The following BCAP29 variants were observed in gnomAD, a reference collection of about 807,000 sequenced individuals.
The protein encoded by BCAP29 is B-cell receptor-associated protein 29.
Under a neutral mutation model 31.8 loss-of-function variants are expected in BCAP29, and 34 were observed. The ratio of observed to expected loss-of-function variants is 1.07; its 90% CI spans 0.81 to 1.42. The LOEUF (loss-of-function observed/expected upper bound fraction) is 1.42. Among genes scored for constraint, BCAP29 ranks in the 40% most tolerant of loss-of-function variants. The probability of loss-of-function intolerance (pLI) is 0.00; values close to 1 mark genes in which losing one functional copy is unlikely to be tolerated. For synonymous variants in BCAP29, 104 were observed against 91.3 expected (o/e 1.14, Z -0.79); for missense variants, 314 against 269.2 (o/e 1.17, Z -1.16).
At chr7:107,583,818 TA>T in intron 2 of BCAP29, 63 bp from the exon 3 acceptor site, 1 of 755,306 alleles carries the variant, frequency 1.3e-6, no homozygotes, top group Non-Finnish European at 2.1e-6. Context: ...CTTCAGTATT[TA>T]AAAAGTATTT....
intron 4 of BCAP29, among the ~76,000 whole-genome samples, chr7:107,594,433 C>A: frequency 6.8e-6 from 1 of 146,874 alleles, no homozygotes; most frequent in Non-Finnish European, 1.5e-5. Context: ...AGTGATCCTC[C>A]CACCTCAGCC....
chr7:107,613,867 T>G, intron 7 of BCAP29: 1 of 635,098 alleles, frequency 1.6e-6, no homozygotes, highest in Non-Finnish European at 2.7e-6. Context: ...AATTTATCAT[T>G]TACCTCCAAA....
At chr7:107,586,700 A>G (rs538865508) in intron 3 of BCAP29, among the ~76,000 whole-genome samples, 183 of 149,288 alleles carry the variant, frequency 1.2e-3, no homozygotes, top group Non-Finnish European at 2.1e-3. Flanking sequence ...TAACTTTTTT[A>G]TACATTTTCT....
intron 5 of BCAP29, 108 bp downstream of exon 5, chr7:107,596,110 G>T: frequency 1.1e-6 from 1 of 950,724 alleles, no homozygotes; most frequent in Non-Finnish European, 1.5e-6. Context: ...AGCAGAAAAT[G>T]ACCATAATTA....
At chr7:107,581,398 A>G (rs1806640942) in intron 2 of BCAP29, among the ~76,000 whole-genome samples, 1 of 152,224 alleles carries the variant, frequency 6.6e-6, no homozygotes, top group South Asian at 2.1e-4. Flanking sequence ...ATGTATATTA[A>G]AAGTGCTGAA....
intron 4 of BCAP29, among the ~76,000 whole-genome samples, chr7:107,595,597 C>T (rs1809666087): frequency 6.6e-6 from 1 of 152,124 alleles, no homozygotes; most frequent in Non-Finnish European, 1.5e-5. Flanking sequence ...TGTTTCTATT[C>T]CTCCAAGCTA....
In BCAP29 at chr7:107,581,588, C is replaced by G. The variant is rs75384005; in HGVS notation, c.92+724C>G. Reference sequence around the variant, plus strand: ...ATTTGATAGTATGAATGGGGAAATACACATGTAATAAAAATATTGCAAGAT... The same window carrying G: ...ATTTGATAGTATGAATGGGGAAATAGACATGTAATAAAAATATTGCAAGAT... On this transcript the variant is annotated intron_variant, in intron 2 of 7. Transcript: ENST00000005259. 1.9e-3 allele frequency among the ~76,000 whole-genome samples: 288 copies of G among 152,218 alleles called. 3 individuals are homozygous for G. The East Asian group carries it at 0.031, about 17-fold the overall frequency.
At chr7:107,610,606 G>T (rs1487906706) in intron 6 of BCAP29, among the ~76,000 whole-genome samples, 1 of 152,140 alleles carries the variant, frequency 6.6e-6, no homozygotes, top group Non-Finnish European at 1.5e-5. Context: ...GTATTCATTA[G>T]ATTTATTAAT....
chr7:107,596,699 T>C (rs1809877120), intron 5 of BCAP29, among the ~76,000 whole-genome samples: 1 of 152,206 alleles, frequency 6.6e-6, no homozygotes. Flanking sequence ...CTTTTTTTCC[T>C]CTTCAATTGT....
chr7:107,604,994 A>T (rs937349606), intron 6 of BCAP29, among the ~76,000 whole-genome samples: 1 of 152,184 alleles, frequency 6.6e-6, no homozygotes, highest in Non-Finnish European at 1.5e-5. Flanking sequence ...TTATCTTCAC[A>T]TATTGATGTT....
At chr7:107,587,780 ATATAGAAAAAT>A (rs1807979710) in intron 3 of BCAP29, 1 of 152,124 alleles carries the variant, frequency 6.6e-6, no homozygotes, top group African/African-American at 2.4e-5. Flanking sequence ...AGACTAATTT[ATATAGAAAAAT>A]TATAGAAAGT....
chr7:107,581,963 T>G (rs1338448075), intron 2 of BCAP29, among the ~76,000 whole-genome samples: 1 of 152,218 alleles, frequency 6.6e-6, no homozygotes, highest in East Asian at 1.9e-4. Flanking sequence ...GTTACCTAGC[T>G]GGTAAGTGAC....
intron 6 of BCAP29, among the ~76,000 whole-genome samples, chr7:107,604,689 T>TG (rs1563137419): frequency 4.3e-5 from 6 of 139,026 alleles, no homozygotes; most frequent in Admixed American, 1.4e-4. Flanking sequence ...GTTGTTGTTT[T>TG]TTTTTTTTTG....
intron 6 of BCAP29, among the ~76,000 whole-genome samples, chr7:107,600,835 C>T (rs62483730): frequency 0.026 from 3,944 of 152,284 alleles, 77 homozygotes; most frequent in South Asian, 0.073. Flanking sequence ...ATCGTATATT[C>T]CTCCTCTCAG....
intron 5 of BCAP29, among the ~76,000 whole-genome samples, chr7:107,596,762 C>A (rs191238039): frequency 6.6e-6 from 1 of 152,108 alleles, no homozygotes; most frequent in East Asian, 1.9e-4. Context: ...TTTTTTCATA[C>A]ATACCATACT....
intron 6 of BCAP29, among the ~76,000 whole-genome samples, chr7:107,604,472 A>G (rs1217664254): frequency 2.0e-5 from 3 of 152,170 alleles, no homozygotes; most frequent in Non-Finnish European, 2.9e-5. Context: ...TTAAAACCAT[A>G]TGATTTCCAG....
chr7:107,622,467 T>C (rs780844062), downstream of BCAP29: 4 of 153,006 alleles, frequency 2.6e-5, no homozygotes, highest in Non-Finnish European at 5.8e-5. Context: ...CTGATTCTTC[T>C]TGGAACAAGC....
At chr7:107,612,437 A>T (rs2107714) in intron 6 of BCAP29, among the ~76,000 whole-genome samples, 71,185 of 113,436 alleles carry the variant, frequency 0.63, 22,141 homozygotes, top group South Asian at 0.78. Flanking sequence ...ATATATATAT[A>T]TATTTATTTT....
rs564903216 is a variant in BCAP29 at position 107,592,597 on chromosome 7, A to C, written c.194-1358A>C. On this transcript the variant is annotated intron_variant, in intron 3 of 7. Coordinates refer to ENST00000005259, the MANE Select transcript of BCAP29 (RefSeq NM_018844.4). ...CATCTCTTAGGTATGTACCAAGAGA[A>C]ATGAAAGCACATGTCGATATAAAAC... 2.0e-4 allele frequency among the ~76,000 whole-genome samples: 30 copies of C among 152,340 alleles called. No individual in the cohort carries two copies. The South Asian group carries it at 6.2e-3, about 32-fold the overall frequency.
Sources: gnomAD v4.1 joint callset for allele counts (sites outside exome capture counted in the v4.1 genomes callset) on GRCh38, gnomAD v4.1.1 for gene constraint, MANE v1.5 for transcripts, NCBI Gene and HGNC (gene_info 2026-07-23, HGNC 2026-07-21) for gene names.